Variants in SDCCAG8 observed in about 807,000 individuals in gnomAD.
SDCCAG8 encodes serologically defined colon cancer antigen 8.
A neutral mutation model predicts 101.8 loss-of-function variants in SDCCAG8; 74 were observed. The ratio of observed to expected loss-of-function variants is 0.73; its 90% CI spans 0.60 to 0.88. SDCCAG8 has a LOEUF of 0.88. SDCCAG8 is among the 40% of genes least tolerant of loss of function. The pLI is 0.00. For missense variants in SDCCAG8, 787 were observed against 822.6 expected (o/e 0.96, Z 0.53); for synonymous variants, 281 against 292.9 (o/e 0.96, Z 0.41).
At chr1:243,390,194 T>G (rs879314394) in intron 13 of SDCCAG8, among the ~76,000 whole-genome samples, 1 of 152,226 alleles carries the variant, frequency 6.6e-6, no homozygotes, top group South Asian at 2.1e-4. Flanking sequence ...GCCTAAAGTT[T>G]CCATTTCAAA....
rs867947362 is a variant in SDCCAG8 at position 243,300,060 on chromosome 1, T to G, written c.676-4653T>G. ...TTGTTTTTGTAGTAGAGACGGGGTT[T>G]CACTATGTTTGCCAGGCTGGTCTTG... On this transcript the variant is annotated intron_variant, in intron 6 of 17. Coordinates refer to ENST00000366541, the MANE Select transcript of SDCCAG8 (RefSeq NM_006642.5). 3.3e-5 allele frequency among the ~76,000 whole-genome samples: 5 copies of G among 152,024 alleles called. No homozygotes were observed. In the Middle Eastern group the frequency reaches 0.01, roughly 312 times the overall value.
intron 14 of SDCCAG8, 96 bp downstream of exon 14, chr1:243,415,925 G>A: frequency 6.8e-7 from 1 of 1,470,158 alleles, no homozygotes. Context: ...GTAACCTTTG[G>A]CTGGCCGAAG....
chr1:243,300,054 G>A (rs1490348076), intron 6 of SDCCAG8, among the ~76,000 whole-genome samples: 1 of 151,758 alleles, frequency 6.6e-6, no homozygotes, highest in Non-Finnish European at 1.5e-5. Flanking sequence ...TAGTAGAGAC[G>A]GGGTTTCACT....
intron 13 of SDCCAG8, among the ~76,000 whole-genome samples, chr1:243,385,386 TC>T: frequency 6.6e-6 from 1 of 152,200 alleles, no homozygotes; most frequent in South Asian, 2.1e-4. Flanking sequence ...CAAGACCTTG[TC>T]TCTAAAATTA....
intron 16 of SDCCAG8, among the ~76,000 whole-genome samples, chr1:243,436,789 A>C (rs1574036118): frequency 6.6e-6 from 1 of 152,198 alleles, no homozygotes; most frequent in Admixed American, 6.5e-5. Context: ...TTAACTGTGG[A>C]TAATACAAAA....
chr1:243,486,109 G>A (rs1558536147), intron 16 of SDCCAG8, among the ~76,000 whole-genome samples: 1 of 145,930 alleles, frequency 6.9e-6, no homozygotes, highest in Non-Finnish European at 1.5e-5. Flanking sequence ...GGCTGAGACA[G>A]GAGAATTGTT....
In SDCCAG8 at chr1:243,344,206, A is replaced by G. The variant is rs748049587; in HGVS notation, c.1357-9A>G. 1.9e-5 allele frequency: 31 copies of G among 1,610,986 alleles called. No individual in the cohort carries two copies. The highest frequency in any genetic ancestry group is 2.6e-5 in the Non-Finnish European group (31 of 1,177,196). On this transcript the variant is annotated splice_polypyrimidine_tract_variant and intron_variant, in intron 11 of 17. Coordinates refer to ENST00000366541, the MANE Select transcript of SDCCAG8 (RefSeq NM_006642.5). The stretch of plus-strand genomic sequence containing the variant: ...GCAGGTAATCATCCAGTTTTTTACA[A>G]TCTAACAGGTGTGTGGAGAAATGCG...
rs754718499 is a variant in SDCCAG8 at position 243,489,156 on chromosome 1, C to T, written c.2112+16C>T. ...GCGGACCCAGGTACTGTGCAGAACG[C>T]GGCGCAGGTGGGAGTCCTTGGGCGG... is the stretch of plus-strand genomic sequence containing the variant. On this transcript the variant is annotated intron_variant, in intron 17 of 17. Transcript: ENST00000366541. The T allele has an allele frequency of 5.6e-6, 9 of 1,610,710 alleles. No homozygotes were observed. Among genetic ancestry groups the T allele is most frequent in the African/African-American group, 2.7e-5 (2 of 74,864 alleles).
At chr1:243,335,265 G>A (rs115487429) in intron 10 of SDCCAG8, among the ~76,000 whole-genome samples, 11 of 152,278 alleles carry the variant, frequency 7.2e-5, no homozygotes, top group African/African-American at 2.6e-4. Context: ...GTTTAGAAAC[G>A]CAGAGTATGG....
chr1:243,492,684 T>C (rs1208912602), intron 17 of SDCCAG8, among the ~76,000 whole-genome samples: 3 of 143,548 alleles, frequency 2.1e-5, no homozygotes, highest in African/African-American at 5.2e-5. Flanking sequence ...CTTGGCCTAC[T>C]GCAACCTCTG....
chr1:243,423,044 G>A (rs1274664667), intron 15 of SDCCAG8, among the ~76,000 whole-genome samples: 2 of 152,152 alleles, frequency 1.3e-5, no homozygotes, highest in East Asian at 3.9e-4. Context: ...GGAACATATC[G>A]TGAGCTGCAG....
At chr1:243,417,592 C>T (rs2080681654) in intron 14 of SDCCAG8, among the ~76,000 whole-genome samples, 1 of 152,030 alleles carries the variant, frequency 6.6e-6, no homozygotes, top group African/African-American at 2.4e-5. Context: ...TTTGAGTTAT[C>T]TGGTTGTGAT....
intron 13 of SDCCAG8, among the ~76,000 whole-genome samples, chr1:243,412,136 C>T (rs1190847840): frequency 1.3e-5 from 2 of 152,156 alleles, no homozygotes; most frequent in Non-Finnish European, 2.9e-5. Context: ...CTTTATTTGA[C>T]CCAGTGCCTA....
At chr1:243,483,576 C>A (rs1036754979) in intron 16 of SDCCAG8, among the ~76,000 whole-genome samples, 5 of 152,102 alleles carry the variant, frequency 3.3e-5, no homozygotes, top group African/African-American at 1.2e-4. Context: ...CCCCGTCTCG[C>A]GACCTCCCCG....
At position 243,481,765 on chromosome 1, in the gene SDCCAG8, G is replaced by T. The variant is rs147380234; in HGVS notation, c.1986-7249G>T. Among the ~76,000 whole-genome samples, 902 of 152,234 alleles carry T rather than the reference G, an allele frequency of 5.9e-3. 4 individuals are homozygous for T. Among genetic ancestry groups the T allele is most frequent in the Middle Eastern group, 0.01 (3 of 294 alleles). On this transcript the variant is annotated intron_variant, in intron 16 of 17. Transcript: ENST00000366541. ...GGTCTGAAAACATTTCAGAACAAAGGATTTTACCACTACCACCAAAACCAA... is the reference window on the plus strand; with the variant it reads ...GGTCTGAAAACATTTCAGAACAAAGTATTTTACCACTACCACCAAAACCAA...
intron 9 of SDCCAG8, among the ~76,000 whole-genome samples, chr1:243,320,116 C>T (rs368138805): frequency 6.6e-6 from 1 of 152,324 alleles, no homozygotes; most frequent in East Asian, 1.9e-4. Context: ...CACTTTTACT[C>T]ACTAACATGC....
chr1:243,284,887 AT>A (rs34516507), intron 4 of SDCCAG8, among the ~76,000 whole-genome samples: 87 of 146,190 alleles, frequency 6.0e-4, no homozygotes, highest in South Asian at 1.5e-3. Flanking sequence ...TCTTCCTGGA[AT>A]TTTTTTTTTT....
chr1:243,270,662 T>A (rs2068008023), intron 2 of SDCCAG8, among the ~76,000 whole-genome samples: 1 of 152,114 alleles, frequency 6.6e-6, no homozygotes, highest in Non-Finnish European at 1.5e-5. Context: ...TTCCTGTTTA[T>A]CCTTGCAGTG....
intron 13 of SDCCAG8, among the ~76,000 whole-genome samples, chr1:243,398,565 G>A (rs2079167052): frequency 6.6e-6 from 1 of 152,076 alleles, no homozygotes; most frequent in Admixed American, 6.6e-5. Context: ...ATCGATTGGA[G>A]TATCCTTGCT....
Sources: gnomAD v4.1 joint callset for allele counts (sites outside exome capture counted in the v4.1 genomes callset) on GRCh38, gnomAD v4.1.1 for gene constraint, MANE v1.5 for transcripts, NCBI Gene and HGNC (gene_info 2026-07-23, HGNC 2026-07-21) for gene names.